The following LRP11 variants were observed in gnomAD, a reference collection of about 807,000 sequenced individuals.
LRP11 encodes LDL receptor related protein 11.
In LRP11, 25 loss-of-function variants were observed where a neutral mutation model predicts 43.1. The ratio of observed to expected loss-of-function variants is 0.58; its 90% CI spans 0.42 to 0.81. LRP11 has a LOEUF of 0.81. Among genes scored for constraint, LRP11 ranks in the 30% least tolerant of loss-of-function variants. The pLI, the probability that LRP11 is intolerant of heterozygous loss-of-function variation, is 0.00. For synonymous variants in LRP11, 316 were observed against 299.4 expected (o/e 1.06, Z -0.57); for missense variants, 623 against 665.1 (o/e 0.94, Z 0.70).
intron 2 of LRP11, among the ~76,000 whole-genome samples, chr6:149,851,754 G>A (rs1313638607): frequency 6.6e-6 from 1 of 152,174 alleles, no homozygotes; most frequent in African/African-American, 2.4e-5. Flanking sequence ...CTTGTTTGGA[G>A]GAGAGGCTGG....
At chr6:149,859,396 A>ATATATTTTTTTTTTTT in intron 1 of LRP11, among the ~76,000 whole-genome samples, 1 of 71,512 alleles carries the variant, frequency 1.4e-5, no homozygotes, top group African/African-American at 8.2e-5. Context: ...ATATATATAT[A>ATATATTTTTTTTTTTT]TTTTTTTTTT....
chr6:149,856,553 T>C (rs1160639796), intron 1 of LRP11, among the ~76,000 whole-genome samples: 1 of 152,200 alleles, frequency 6.6e-6, no homozygotes. Context: ...TGTGACTTGC[T>C]AATGAAGAAC....
Position 149,827,930 on chromosome 6 carries a change from G to A in LRP11, c.1253-1571C>T, listed in dbSNP as rs1776360954. 6.6e-6 allele frequency among the ~76,000 whole-genome samples: 1 copy of A among 151,654 alleles called. No individual in the cohort carries two copies. The highest frequency in any genetic ancestry group is 2.1e-4 in the South Asian group (1 of 4,824). ...CCAGCTGCTGGGGAGGCTGAGGCAG[G>A]AGAATGGCGTGAACCCTGGAGGCGG... On this transcript the variant is annotated intron_variant, in intron 5 of 6. Coordinates refer to ENST00000239367, the MANE Select transcript of LRP11 (RefSeq NM_032832.6). This position sits in a 1 kb window ranked among gnomAD's most constrained non-coding sequence, Gnocchi z 4.2.
At position 149,827,969 on chromosome 6, in the gene LRP11, C is replaced by A. The variant is rs568508962; in HGVS notation, c.1253-1610G>T. On this transcript the variant is annotated intron_variant, in intron 5 of 6. Coordinates refer to ENST00000239367, the MANE Select transcript of LRP11 (RefSeq NM_032832.6). The surrounding 1 kb of genome is among the most constrained non-coding windows in gnomAD (Gnocchi z 4.2). ...CCCTGGAGGCGGAGCTTGCAGTGAG[C>A]CGAGATCGCGCCACTGCACTCCAGC... Among the ~76,000 whole-genome samples, 15 of 150,004 alleles carry A rather than the reference C, an allele frequency of 1.0e-4. No homozygotes were observed. Among genetic ancestry groups the A allele is most frequent in the Admixed American group, 7.3e-4 (11 of 15,040 alleles).
intron 2 of LRP11, among the ~76,000 whole-genome samples, chr6:149,848,687 G>A (rs1776675357): frequency 6.6e-6 from 1 of 152,018 alleles, no homozygotes; most frequent in South Asian, 2.1e-4. Context: ...GAGAACACAT[G>A]GACAGAGAAA....
intron 3 of LRP11, chr6:149,842,492 C>G: frequency 1.4e-6 from 1 of 695,882 alleles, no homozygotes; most frequent in South Asian, 1.7e-5. Context: ...AACAGATCAC[C>G]AGAACCTGTT....
At chr6:149,858,391 C>T (rs1379653798) in intron 1 of LRP11, among the ~76,000 whole-genome samples, 1 of 152,170 alleles carries the variant, frequency 6.6e-6, no homozygotes, top group Non-Finnish European at 1.5e-5. Flanking sequence ...TTTTTTATGG[C>T]TGCACAGTAG....
At chr6:149,834,930 C>T (rs1268565850) in intron 5 of LRP11, among the ~76,000 whole-genome samples, 1 of 152,152 alleles carries the variant, frequency 6.6e-6, no homozygotes, top group Non-Finnish European at 1.5e-5. Context: ...CACTTTCCTT[C>T]TTAAATTATT....
intron 1 of LRP11, among the ~76,000 whole-genome samples, chr6:149,858,806 C>T (rs1319726571): frequency 6.6e-6 from 1 of 152,166 alleles, no homozygotes; most frequent in Non-Finnish European, 1.5e-5. Context: ...TACTTTGTTA[C>T]TTTTTCACCA....
chr6:149,862,091 C>T (rs1776911515), intron 1 of LRP11, among the ~76,000 whole-genome samples: 1 of 152,206 alleles, frequency 6.6e-6, no homozygotes, highest in African/African-American at 2.4e-5. Context: ...TGCTGCCTGC[C>T]TCCACTTCAG....
chr6:149,863,474 T>TGCTGTAGCC lies in LRP11; in HGVS notation c.538_546dup (p.Gly180_Ser182dup). Reference sequence around the variant, plus strand: ...TCCGGCGCGCGGCTGAGGCTGTAGCTGCTGTAGCCGCTGTGCAGCGCGAAC... The same window carrying TGCTGTAGCC: ...TCCGGCGCGCGGCTGAGGCTGTAGCTGCTGTAGCCGCTGTAGCCGCTGTGCAGCGCGAAC... On this transcript the variant is annotated inframe_insertion, in exon 1 of 7. Coordinates refer to ENST00000239367, the MANE Select transcript of LRP11 (RefSeq NM_032832.6). 1 of 1,343,732 alleles carries TGCTGTAGCC rather than the reference T, an allele frequency of 7.4e-7. No individual in the cohort carries two copies. The highest frequency in any genetic ancestry group is 9.5e-7 in the Non-Finnish European group (1 of 1,056,390). The allele number at this position is 1,343,732 out of a possible 1,614,324, so 83.2% of individuals were successfully genotyped here. A position where few individuals can be genotyped will look rare whatever the true frequency, so the allele number is the denominator to read the frequency against.
rs1776745947 is a variant in LRP11, at chr6:149,853,058, G to T, written c.716C>A (p.Ala239Asp). 6.2e-7 allele frequency: 1 copy of T among 1,612,322 alleles called. No homozygotes were observed. Among genetic ancestry groups the T allele is most frequent in the Non-Finnish European group, 8.5e-7 (1 of 1,179,184 alleles). ...CAGTGCCCACTCATACTGGACGATG[G>T]CGTGGTCATCTGTGCTCTCGCGGCC... ...LDGRESTDDH[A>D]IVQYEWALLQ... The change falls in exon 2 of 7, where the codon GCC becomes GAC. Residue 239 changes from alanine to aspartate, a missense_variant. Transcript: ENST00000239367.
chr6:149,849,753 C>T (rs1334719081), intron 2 of LRP11, among the ~76,000 whole-genome samples: 5 of 152,170 alleles, frequency 3.3e-5, no homozygotes, highest in South Asian at 4.1e-4. Flanking sequence ...AATGAATAAA[C>T]GAATGAATGA....
chr6:149,825,657 ATTTT>A (rs3036632), intron 6 of LRP11, among the ~76,000 whole-genome samples: 10 of 141,624 alleles, frequency 7.1e-5, no homozygotes, highest in African/African-American at 1.3e-4. Flanking sequence ...GTAAGTGAGA[ATTTT>A]TTTTTTTTTT....
Position 149,864,084 on chromosome 6 carries a change from G to A in LRP11, c.-64C>T, listed in dbSNP as rs1021006369. The A allele has an allele frequency of 1.6e-4, 193 of 1,238,644 alleles. 1 individual carries two copies. In the African/African-American group the frequency reaches 2.8e-3, roughly 18 times the overall value. The allele number at this position is 1,238,644 out of a possible 1,614,324, so 76.7% of individuals were successfully genotyped here. A position where few individuals can be genotyped will look rare whatever the true frequency, so the allele number is the denominator to read the frequency against. On this transcript the variant is annotated 5_prime_UTR_variant, in exon 1 of 7. Transcript: ENST00000239367. ...GAGCGCGGGAGGAAGGCGGGGACGCGGGCGAGCGCGGGCCCTGGGCCCCTC... is the reference window on the plus strand; with the variant it reads ...GAGCGCGGGAGGAAGGCGGGGACGCAGGCGAGCGCGGGCCCTGGGCCCCTC...
At chr6:149,835,966 A>C (rs1776465669) in intron 5 of LRP11, 119 bp downstream of exon 5, 1 of 955,740 alleles carries the variant, frequency 1.0e-6, no homozygotes, top group Non-Finnish European at 1.6e-6. Flanking sequence ...CCAAATTCTT[A>C]ATTTTAACTC....
In LRP11 at chr6:149,818,784, G is replaced by T. The variant is rs1363835579; in HGVS notation, c.*1765C>A. The T allele has an allele frequency of 1.3e-5, 2 of 151,334 alleles. No individual in the cohort carries two copies. Among genetic ancestry groups the T allele is most frequent in the Non-Finnish European group, 3.0e-5 (2 of 67,782 alleles). The allele number at this position is 151,334 out of a possible 1,614,324, so 9.4% of individuals were successfully genotyped here. A position where few individuals can be genotyped will look rare whatever the true frequency, so the allele number is the denominator to read the frequency against. On this transcript the variant is annotated 3_prime_UTR_variant, in exon 7 of 7. Transcript: ENST00000239367. ...ATAGCAACTTATGATTATATTAAAA[G>T]GAAAAAAAGGCTTAATAATAAAATA... is the stretch of plus-strand genomic sequence containing the variant.
At chr6:149,848,114 C>T (rs566061852) in intron 2 of LRP11, among the ~76,000 whole-genome samples, 4 of 152,044 alleles carry the variant, frequency 2.6e-5, no homozygotes, top group South Asian at 4.2e-4. Context: ...AGTGTGATGG[C>T]GTTTGGAGAT....
In LRP11 at chr6:149,863,992, C is replaced by G; in HGVS notation, c.29G>C (p.Gly10Ala). 1 of 1,393,844 alleles carries G rather than the reference C, an allele frequency of 7.2e-7. No homozygotes were observed. Among genetic ancestry groups the G allele is most frequent in the Non-Finnish European group, 9.2e-7 (1 of 1,081,606 alleles). The allele number at this position is 1,393,844 out of a possible 1,614,324, so 86.3% of individuals were successfully genotyped here. ...ACGCGGCGGTAGCCGGCGCTGCGAG[C>G]CCGCGCTCTCCTGGGCGACGGAGGC... is the stretch of plus-strand genomic sequence containing the variant. MASVAQESA[G>A]SQRRLPPRHG... Residue 10 changes from glycine (G) to alanine (A), a missense_variant, in exon 1 of 7, where the codon GGC (glycine) becomes GCC (alanine). By Grantham distance (60) the Gly-to-Ala change is moderately conservative. Coordinates refer to ENST00000239367, the MANE Select transcript of LRP11 (RefSeq NM_032832.6).
Sources: gnomAD v4.1 joint callset for allele counts (sites outside exome capture counted in the v4.1 genomes callset) on GRCh38, gnomAD v4.1.1 for gene constraint, Gnocchi (gnomAD v3.1) non-coding constraint, MANE v1.5 for transcripts, NCBI Gene and HGNC (gene_info 2026-07-23, HGNC 2026-07-21) for gene names.